The following LINGO2 variants were observed in gnomAD, a reference collection of about 807,000 sequenced individuals.
LINGO2 encodes leucine-rich repeat and immunoglobulin-like domain-containing nogo receptor-interacting protein 2.
A neutral mutation model predicts 30.6 loss-of-function variants in LINGO2; 14 were observed. That is an observed-to-expected ratio of 0.46 (90% CI 0.30 to 0.72). LINGO2 has a LOEUF of 0.72. LINGO2 is among the 30% of genes least tolerant of loss of function. The pLI, the probability that LINGO2 is intolerant of heterozygous loss-of-function variation, is 0.07. For synonymous variants in LINGO2, 317 were observed against 288.5 expected (o/e 1.10, Z -1.00); for missense variants, 729 against 751.7 (o/e 0.97, Z 0.35).
chr9:28,205,178 C>A (rs187291601), intron 4 of LINGO2, among the ~76,000 whole-genome samples: 3 of 152,316 alleles, frequency 2.0e-5, no homozygotes, highest in African/African-American at 7.2e-5. Context: ...TAAGAAATAT[C>A]TGTGACATGA....
intron 5 of LINGO2, among the ~76,000 whole-genome samples, chr9:27,996,054 C>T (rs2778416): frequency 0.037 from 5,704 of 152,160 alleles, 347 homozygotes; most frequent in African/African-American, 0.13. Context: ...CATCATTACT[C>T]ATCTGGGAAA....
At chr9:28,810,282 AAGTC>A in the LINGO2 span, among the ~76,000 whole-genome samples, 6 of 152,200 alleles carry the variant, frequency 3.9e-5, no homozygotes, top group Non-Finnish European at 7.3e-5. Context: ...TACATTTATA[AAGTC>A]AGACAAGGAT....
chr9:29,157,140 C>A, the LINGO2 span, among the ~76,000 whole-genome samples: 1 of 152,126 alleles, frequency 6.6e-6, no homozygotes, highest in African/African-American at 2.4e-5. Flanking sequence ...TAAAATGCCA[C>A]AAAATGTCAT....
At chr9:29,160,073 A>G in the LINGO2 span, among the ~76,000 whole-genome samples, 1 of 152,212 alleles carries the variant, frequency 6.6e-6, no homozygotes, top group Admixed American at 6.5e-5. Flanking sequence ...TCTTTATAGT[A>G]TATCAGAATC....
the LINGO2 span, among the ~76,000 whole-genome samples, chr9:29,049,352 T>TACA: frequency 6.6e-6 from 1 of 152,180 alleles, no homozygotes; most frequent in Non-Finnish European, 1.5e-5. Context: ...GGAACACTTG[T>TACA]ACACTGTTGG....
At chr9:28,494,391 C>T (rs1313907437) in intron 1 of LINGO2, among the ~76,000 whole-genome samples, 1 of 152,028 alleles carries the variant, frequency 6.6e-6, no homozygotes, top group South Asian at 2.1e-4. Flanking sequence ...CTACAGGCCT[C>T]AGTATGTGAT....
chr9:29,190,064 G>C, the LINGO2 span, among the ~76,000 whole-genome samples: 1 of 134,746 alleles, frequency 7.4e-6, no homozygotes, highest in Admixed American at 7.6e-5. Context: ...GGAGGGGGAG[G>C]GGGAGCTACA....
chr9:27,969,891 T>C (rs1820273698), intron 5 of LINGO2, among the ~76,000 whole-genome samples: 2 of 152,054 alleles, frequency 1.3e-5, no homozygotes, highest in African/African-American at 4.8e-5. Flanking sequence ...GAGGTCCCTC[T>C]ACCCATCTTT....
At chr9:28,247,890 A>C (rs367701537) in intron 4 of LINGO2, among the ~76,000 whole-genome samples, 11 of 152,208 alleles carry the variant, frequency 7.2e-5, no homozygotes, top group African/African-American at 2.7e-4. Context: ...ATAAATGCAA[A>C]TCAAAACTAT....
At chr9:28,099,956 A>G (rs970231208) in intron 4 of LINGO2, among the ~76,000 whole-genome samples, 2 of 152,166 alleles carry the variant, frequency 1.3e-5, no homozygotes, top group Non-Finnish European at 2.9e-5. Flanking sequence ...TATTACTTCT[A>G]CAAATAATAT....
intron 4 of LINGO2, among the ~76,000 whole-genome samples, chr9:28,227,095 C>T (rs1186734872): frequency 6.6e-6 from 1 of 152,100 alleles, no homozygotes; most frequent in Non-Finnish European, 1.5e-5. Flanking sequence ...GGCAAAGTGT[C>T]TGGCACATAC....
At chr9:28,171,678 A>G (rs1470019027) in intron 4 of LINGO2, among the ~76,000 whole-genome samples, 1 of 152,074 alleles carries the variant, frequency 6.6e-6, no homozygotes, top group African/African-American at 2.4e-5. Flanking sequence ...ATTGTGGTCA[A>G]AATGTGGGCC....
chr9:28,801,038 T>C, the LINGO2 span, among the ~76,000 whole-genome samples: 1 of 152,116 alleles, frequency 6.6e-6, no homozygotes, highest in African/African-American at 2.4e-5. Context: ...AAACAGGCAG[T>C]AAATTTGAAT....
chr9:29,006,859 A>G, the LINGO2 span, among the ~76,000 whole-genome samples: 1 of 152,112 alleles, frequency 6.6e-6, no homozygotes, highest in African/African-American at 2.4e-5. Flanking sequence ...ATGCTCTCCA[A>G]GGTCCTTTGA....
chr9:28,195,124 T>C (rs10968378), intron 4 of LINGO2, among the ~76,000 whole-genome samples: 11,802 of 151,960 alleles, frequency 0.078, 664 homozygotes, highest in East Asian at 0.2. Context: ...TAAGTAACTT[T>C]TAGAACAAAA....
chr9:28,932,978 C>G, the LINGO2 span, among the ~76,000 whole-genome samples: 2 of 152,000 alleles, frequency 1.3e-5, no homozygotes, highest in African/African-American at 4.8e-5. Context: ...GTGATTTCCA[C>G]TCACTGCAAA....
chr9:28,114,655 C>T (rs971413247), intron 4 of LINGO2, among the ~76,000 whole-genome samples: 19 of 90,832 alleles, frequency 2.1e-4, no homozygotes, highest in African/African-American at 8.2e-4. Flanking sequence ...GTGTATGTGT[C>T]GAGGAATGTA....
the LINGO2 span, among the ~76,000 whole-genome samples, chr9:28,808,734 A>G: frequency 6.6e-6 from 1 of 152,208 alleles, no homozygotes; most frequent in African/African-American, 2.4e-5. Flanking sequence ...CCAAGGAGAA[A>G]TGAGATTATA....
the LINGO2 span, among the ~76,000 whole-genome samples, chr9:28,880,242 T>C: frequency 2.0e-5 from 3 of 152,196 alleles, no homozygotes; most frequent in Non-Finnish European, 4.4e-5. Flanking sequence ...TGTTACTGTG[T>C]CTATGTAGAA....
Sources: gnomAD v4.1 joint callset for allele counts (sites outside exome capture counted in the v4.1 genomes callset) on GRCh38, gnomAD v4.1.1 for gene constraint, MANE v1.5 for transcripts, NCBI Gene and HGNC (gene_info 2026-07-23, HGNC 2026-07-21) for gene names.